The following KAZN variants were observed in gnomAD, a reference collection of about 807,000 sequenced individuals.
KAZN encodes kazrin.
In KAZN, 40 loss-of-function variants were observed where a neutral mutation model predicts 87.4. The ratio of observed to expected loss-of-function variants is 0.46; its 90% CI spans 0.36 to 0.60. The LOEUF (loss-of-function observed/expected upper bound fraction) is 0.60, where lower values mean the gene tolerates loss of function less well. KAZN is among the 20% of genes least tolerant of loss of function. The probability of loss-of-function intolerance (pLI) is 0.00; values close to 1 mark genes in which losing one functional copy is unlikely to be tolerated. For missense variants in KAZN, 898 were observed against 1,073.9 expected, an observed-to-expected ratio of 0.84 and a Z score of 2.29; for synonymous variants, 466 against 458.3, an observed-to-expected ratio of 1.02 and a Z score of -0.22.
Position 14,960,760 on chromosome 1 carries a change from G to T in KAZN, c.303G>T (p.Lys101Asn). 1.1e-5 allele frequency: 18 copies of T among 1,604,528 alleles called. No individual in the cohort carries two copies. Among genetic ancestry groups the T allele is most frequent in the Non-Finnish European group, 1.5e-5 (18 of 1,175,678 alleles). Reference sequence around the variant, plus strand: ...GGCAGATGAAGGAGATGTTGGCGAAGGACCTGGAGGAGTCGCAGGGCGGCA... The same window carrying T: ...GGCAGATGAAGGAGATGTTGGCGAATGACCTGGAGGAGTCGCAGGGCGGCA... ...LLRQMKEMLA[K>N]DLEESQGGKS... Residue 101 changes from lysine (K) to asparagine (N), a missense_variant, in exon 2 of 15, where the codon AAG becomes AAT. Around this residue, in one of 3 missense-constraint regions of KAZN, gnomAD observed 250 missense variants for 263.0 expected, o/e 0.95. Coordinates refer to ENST00000376030, the MANE Select transcript of KAZN (RefSeq NM_201628.3).
At chr1:14,630,416 G>A (rs1266132970) in intron 1 of KAZN, among the ~76,000 whole-genome samples, 1 of 152,186 alleles carries the variant, frequency 6.6e-6, no homozygotes, top group East Asian at 1.9e-4. Context: ...GCCAGGTGAG[G>A]TGGCTCATGC....
intron 3 of KAZN, among the ~76,000 whole-genome samples, chr1:15,037,986 T>C (rs2100265304): frequency 6.6e-6 from 1 of 151,616 alleles, no homozygotes; most frequent in East Asian, 1.9e-4. Context: ...TTACGGTGGC[T>C]CACACCTGTA....
intron 4 of KAZN, among the ~76,000 whole-genome samples, chr1:15,044,491 G>A (rs1370532389): frequency 6.6e-6 from 1 of 152,166 alleles, no homozygotes; most frequent in Non-Finnish European, 1.5e-5. Flanking sequence ...GCTCATGCCT[G>A]TAATCCCAGC....
At chr1:14,152,236 T>C (rs1490301392) in intron 1 of KAZN, among the ~76,000 whole-genome samples, 3 of 152,206 alleles carry the variant, frequency 2.0e-5, no homozygotes, top group Admixed American at 6.5e-5. Context: ...TTGACTATAG[T>C]CATCCTGTTG....
intron 1 of KAZN, among the ~76,000 whole-genome samples, chr1:14,613,767 A>C (rs1486320883): frequency 6.6e-6 from 1 of 152,170 alleles, no homozygotes; most frequent in East Asian, 1.9e-4. Context: ...TCTGCGGCCC[A>C]CAGGTTGGGC....
At chr1:14,347,616 T>C (rs1658199953) in intron 2 of KAZN, among the ~76,000 whole-genome samples, 2 of 152,220 alleles carry the variant, frequency 1.3e-5, no homozygotes, top group African/African-American at 4.8e-5. Context: ...GCTTCTGCAG[T>C]TGTCAAAAGA....
intron 2 of KAZN, among the ~76,000 whole-genome samples, chr1:14,272,724 G>T (rs1265558714): frequency 1.3e-5 from 2 of 152,140 alleles, no homozygotes; most frequent in Non-Finnish European, 2.9e-5. Context: ...TGGGCATGGT[G>T]GCGGGTGCCT....
chr1:13,960,134 G>A (rs1465300841), intron 1 of KAZN, among the ~76,000 whole-genome samples: 1 of 145,772 alleles, frequency 6.9e-6, no homozygotes, highest in Non-Finnish European at 1.5e-5. Context: ...ATCATGTTTA[G>A]CCATATGGAG....
intron 2 of KAZN, among the ~76,000 whole-genome samples, chr1:14,420,812 G>A (rs1352449480): frequency 4.0e-5 from 6 of 151,324 alleles, no homozygotes; most frequent in East Asian, 1.9e-4. Context: ...GGGGCCCACC[G>A]AGCCCATCCC....
intron 1 of KAZN, among the ~76,000 whole-genome samples, chr1:14,601,015 T>C (rs1676927963): frequency 6.6e-6 from 1 of 152,198 alleles, no homozygotes; most frequent in Admixed American, 6.5e-5. Context: ...TTCCTTGTTC[T>C]TTTTTCCTAC....
In KAZN at chr1:15,114,584, G is replaced by A. The variant is rs778110280; in HGVS notation, c.2277G>A (p.Leu759=). ...GAGACGATGACCCCCAGAGCAGGCTGGAACAGTGCCGTCTGGAAGGCTACA... is the reference window on the plus strand; with the variant it reads ...GAGACGATGACCCCCAGAGCAGGCTAGAACAGTGCCGTCTGGAAGGCTACA... ...DCGDDDPQSR[L]EQCRLEGYNS... The change falls in exon 15 of 15, where the codon CTG becomes CTA. Residue 759 remains leucine (L), a synonymous_variant. Coordinates refer to ENST00000376030, the MANE Select transcript of KAZN (RefSeq NM_201628.3). 63 of 1,603,220 alleles carry A rather than the reference G, an allele frequency of 3.9e-5. No homozygotes were observed. Among genetic ancestry groups the A allele is most frequent in the Non-Finnish European group, 5.2e-5 (61 of 1,174,844 alleles).
intron 2 of KAZN, among the ~76,000 whole-genome samples, chr1:14,500,073 T>G (rs756600141): frequency 6.6e-6 from 1 of 152,254 alleles, no homozygotes; most frequent in Non-Finnish European, 1.5e-5. Flanking sequence ...TCATTGTGTT[T>G]GTAAAATATA....
intron 2 of KAZN, among the ~76,000 whole-genome samples, chr1:14,206,213 T>G (rs1646740879): frequency 6.6e-6 from 1 of 152,220 alleles, no homozygotes; most frequent in African/African-American, 2.4e-5. Context: ...TAATATTTTC[T>G]TTAATCTGTG....
chr1:14,379,538 G>A (rs1398519269), intron 2 of KAZN, among the ~76,000 whole-genome samples: 1 of 152,106 alleles, frequency 6.6e-6, no homozygotes, highest in African/African-American at 2.4e-5. Context: ...TCCTAGGCCT[G>A]CCAACATTCA....
intron 2 of KAZN, among the ~76,000 whole-genome samples, chr1:14,235,873 T>C (rs932010420): frequency 3.9e-5 from 6 of 152,172 alleles, no homozygotes; most frequent in Non-Finnish European, 8.8e-5. Flanking sequence ...TGAGCAACTC[T>C]CCACGGTCTT....
chr1:14,533,411 C>A (rs1050101067), intron 2 of KAZN, among the ~76,000 whole-genome samples: 1 of 152,178 alleles, frequency 6.6e-6, no homozygotes, highest in Non-Finnish European at 1.5e-5. Flanking sequence ...GTAGTCTTTT[C>A]TCAGCCAACC....
chr1:14,258,727 C>T (rs1650769316), intron 2 of KAZN, among the ~76,000 whole-genome samples: 1 of 152,084 alleles, frequency 6.6e-6, no homozygotes, highest in Non-Finnish European at 1.5e-5. Flanking sequence ...TGTTTAAGTC[C>T]CAGCTCTGCC....
intron 1 of KAZN, among the ~76,000 whole-genome samples, chr1:14,010,613 C>G (rs1235143172): frequency 2.0e-5 from 3 of 152,148 alleles, no homozygotes; most frequent in African/African-American, 7.2e-5. Context: ...TTTGTCCTGC[C>G]CTTTTATGAG....
intron 1 of KAZN, among the ~76,000 whole-genome samples, chr1:13,945,478 A>C (rs1023660885): frequency 2.0e-5 from 3 of 151,706 alleles, no homozygotes; most frequent in Admixed American, 6.6e-5. Context: ...CGTCTCAAAA[A>C]AAAAAAAAAA....
Sources: gnomAD v4.1 joint callset for allele counts (sites outside exome capture counted in the v4.1 genomes callset) on GRCh38, gnomAD v4.1.1 for gene constraint, gnomAD v4.1.1 regional missense constraint, MANE v1.5 for transcripts, NCBI Gene and HGNC (gene_info 2026-07-23, HGNC 2026-07-21) for gene names.